Variants in RELL1 observed in about 807,000 individuals in gnomAD.
RELL1 encodes the protein RELT-like protein 1.
A neutral mutation model predicts 23.0 loss-of-function variants in RELL1; 10 were observed. The observed-to-expected ratio is 0.43, with a 90% CI of 0.27 to 0.74. The LOEUF (loss-of-function observed/expected upper bound fraction) is 0.74. Among genes scored for constraint, RELL1 ranks in the 30% least tolerant of loss-of-function variants. RELL1 has a pLI of 0.19. For synonymous variants in RELL1, 146 were observed against 146.8 expected (o/e 0.99, Z 0.04); for missense variants, 315 against 364.4 (o/e 0.86, Z 1.10).
chr4:37,622,318 G>T (rs1043479301), intron 6 of RELL1, among the ~76,000 whole-genome samples: 2 of 152,208 alleles, frequency 1.3e-5, no homozygotes, highest in African/African-American at 4.8e-5. Flanking sequence ...GCATAATCCT[G>T]AAAGGACATA....
chr4:37,586,784 C>G (rs62299699), downstream of RELL1, among the ~76,000 whole-genome samples: 237 of 152,178 alleles, frequency 1.6e-3, no homozygotes, highest in Non-Finnish European at 2.4e-3. Flanking sequence ...TTGGCAGGCA[C>G]CTGTAATCCC....
At chr4:37,640,757 T>TC (rs1720503292) in intron 3 of RELL1, among the ~76,000 whole-genome samples, 1 of 151,428 alleles carries the variant, frequency 6.6e-6, no homozygotes, top group Non-Finnish European at 1.5e-5. Flanking sequence ...ATTTTTTTTT[T>TC]CTAATTTTAT....
chr4:37,682,944 A>C (rs1722270654), intron 1 of RELL1, among the ~76,000 whole-genome samples: 1 of 152,184 alleles, frequency 6.6e-6, no homozygotes, highest in South Asian at 2.1e-4. Context: ...GTAACCAGAG[A>C]ACTTAAGGAC....
At chr4:37,626,999 T>C (rs534345533) in intron 6 of RELL1, among the ~76,000 whole-genome samples, 2 of 152,260 alleles carry the variant, frequency 1.3e-5, no homozygotes, top group East Asian at 1.9e-4. Flanking sequence ...TTCTTAAAAA[T>C]TGCTAAGAGA....
At chr4:37,617,878 T>A (rs1360349268) in intron 6 of RELL1, among the ~76,000 whole-genome samples, 1 of 152,234 alleles carries the variant, frequency 6.6e-6, no homozygotes, top group Non-Finnish European at 1.5e-5. Flanking sequence ...AGAATTCGAC[T>A]AATTTGCAGA....
At chr4:37,633,358 GAGTTC>G (rs1720207141) in intron 5 of RELL1, among the ~76,000 whole-genome samples, 1 of 135,420 alleles carries the variant, frequency 7.4e-6, no homozygotes, top group Admixed American at 8.1e-5. Context: ...GCAGTGAGCC[GAGTTC>G]ACACCACTGC....
intron 3 of RELL1, among the ~76,000 whole-genome samples, chr4:37,641,579 A>G (rs1720532773): frequency 6.6e-6 from 1 of 152,206 alleles, no homozygotes; most frequent in South Asian, 2.1e-4. Flanking sequence ...CACCTTCCCC[A>G]AAATGGGAGG....
At chr4:37,596,582 A>G (rs1718852410) in intron 6 of RELL1, among the ~76,000 whole-genome samples, 1 of 151,102 alleles carries the variant, frequency 6.6e-6, no homozygotes, top group Non-Finnish European at 1.5e-5. Context: ...TGAAGTAACA[A>G]CATATCAGAG....
intron 6 of RELL1, among the ~76,000 whole-genome samples, chr4:37,596,035 G>A (rs537300238): frequency 7.2e-4 from 109 of 152,316 alleles, no homozygotes; most frequent in Non-Finnish European, 4.4e-4. Context: ...AGTAACACCT[G>A]CAGCCATGCG....
downstream of RELL1, among the ~76,000 whole-genome samples, chr4:37,587,305 T>A (rs1718383507): frequency 2.0e-5 from 3 of 152,184 alleles, no homozygotes; most frequent in South Asian, 6.2e-4. Flanking sequence ...GCAAATACCT[T>A]TAATTTGGGG....
chr4:37,645,299 C>A (rs9306950), intron 3 of RELL1, among the ~76,000 whole-genome samples: 1 of 152,172 alleles, frequency 6.6e-6, no homozygotes, highest in Non-Finnish European at 1.5e-5. Flanking sequence ...GGCAGTGAGG[C>A]GGTCATCCAT....
At chr4:37,645,267 T>G (rs1030238296) in intron 3 of RELL1, among the ~76,000 whole-genome samples, 10 of 152,168 alleles carry the variant, frequency 6.6e-5, no homozygotes, top group African/African-American at 2.4e-4. Flanking sequence ...CGAAAGGCAG[T>G]CTGGAATGTG....
At chr4:37,603,336 T>C (rs1719066128) in intron 6 of RELL1, among the ~76,000 whole-genome samples, 1 of 152,088 alleles carries the variant, frequency 6.6e-6, no homozygotes, top group South Asian at 2.1e-4. Context: ...AGAGCTACAG[T>C]GAGGGTACCC....
chr4:37,650,764 T>C (rs1019377486), intron 1 of RELL1, among the ~76,000 whole-genome samples: 2 of 133,138 alleles, frequency 1.5e-5, no homozygotes, highest in Non-Finnish European at 3.0e-5. Flanking sequence ...CACACAATTA[T>C]ACAATGTGGC....
chr4:37,611,897 C>T lies in RELL1; in HGVS notation c.*1449G>A, dbSNP rs1034015443. Among the ~76,000 whole-genome samples the T allele has an allele frequency of 8.6e-5, 13 of 151,412 alleles. No homozygotes were observed. Among genetic ancestry groups the T allele is most frequent in the African/African-American group, 2.2e-4 (9 of 41,190 alleles). On this transcript the variant is annotated 3_prime_UTR_variant, in exon 7 of 7. Transcript: ENST00000454158. The stretch of plus-strand genomic sequence containing the variant: ...TTATATGAGAAGCAGGGTTCTAGGC[C>T]GGGCGCAGTGGCTCAAGCCTGTAAT...
chr4:37,600,780 C>CGCGTGT (rs1718994741), intron 6 of RELL1, among the ~76,000 whole-genome samples: 1 of 147,568 alleles, frequency 6.8e-6, no homozygotes, highest in South Asian at 2.2e-4. Context: ...TGGATTTGTG[C>CGCGTGT]GTGTGTGTGT....
chr4:37,678,534 G>A (rs1722095522), intron 1 of RELL1, among the ~76,000 whole-genome samples: 1 of 152,080 alleles, frequency 6.6e-6, no homozygotes, highest in Non-Finnish European at 1.5e-5. Context: ...AGCCCCCTCT[G>A]CCCTTTACAC....
exon 7 of RELL1, chr4:37,591,046 T>C (rs757740018): frequency 1.3e-6 from 2 of 1,513,208 alleles, no homozygotes; most frequent in Non-Finnish European, 9.0e-7. Flanking sequence ...ATGCTGAGCA[T>C]GCAGATGCAT....
At chr4:37,675,568 T>C (rs1011733193) in intron 1 of RELL1, among the ~76,000 whole-genome samples, 4 of 152,112 alleles carry the variant, frequency 2.6e-5, no homozygotes, top group African/African-American at 7.2e-5. Context: ...AAAACAAACA[T>C]GGTGGAAACA....
Sources: allele counts gnomAD v4.1 joint callset (sites outside exome capture counted in the v4.1 genomes callset), GRCh38; gene constraint gnomAD v4.1.1; transcripts MANE v1.5; gene names NCBI Gene and HGNC (gene_info 2026-07-23, HGNC 2026-07-21).